The following MAF variants were observed in gnomAD, a reference collection of about 807,000 sequenced individuals.
MAF encodes MAF bZIP transcription factor.
In MAF, 10 loss-of-function variants were observed where a neutral mutation model predicts 22.0. The observed-to-expected ratio is 0.45, with a 90% CI of 0.28 to 0.77. The LOEUF is 0.77. Among genes scored for constraint, MAF ranks in the 30% least tolerant of loss-of-function variants. The probability of loss-of-function intolerance (pLI) is 0.12; values close to 1 mark genes in which losing one functional copy is unlikely to be tolerated. For synonymous variants in MAF, 337 were observed against 255.8 expected, an observed-to-expected ratio of 1.32 and a Z score of -3.03; for missense variants, 544 against 548.4, an observed-to-expected ratio of 0.99 and a Z score of 0.08.
chr16:79,303,494 C>T, the MAF span, among the ~76,000 whole-genome samples: 8 of 152,292 alleles, frequency 5.3e-5, no homozygotes, highest in South Asian at 1.5e-3. Flanking sequence ...GCTAGATTCT[C>T]TCTTGCCTTT....
chr16:79,219,535 C>A, the MAF span, among the ~76,000 whole-genome samples: 101 of 116,018 alleles, frequency 8.7e-4, no homozygotes, highest in Non-Finnish European at 1.4e-3. Context: ...TGGGCGACAG[C>A]GAGACTCTGC....
At chr16:79,395,815 G>A in the MAF span, among the ~76,000 whole-genome samples, 1 of 152,308 alleles carries the variant, frequency 6.6e-6, no homozygotes, top group East Asian at 1.9e-4. Context: ...CAGTAAGAGG[G>A]AACTCAAACA....
the MAF span, among the ~76,000 whole-genome samples, chr16:79,379,402 T>G: frequency 6.6e-6 from 1 of 152,120 alleles, no homozygotes; most frequent in Non-Finnish European, 1.5e-5. Flanking sequence ...TATGCATGAG[T>G]TGCCAATGTG....
At chr16:79,458,030 G>A in the MAF span, among the ~76,000 whole-genome samples, 1 of 149,450 alleles carries the variant, frequency 6.7e-6, no homozygotes, top group Non-Finnish European at 1.5e-5. Flanking sequence ...TTTTCAATAT[G>A]GATGATCGAA....
the MAF span, among the ~76,000 whole-genome samples, chr16:79,373,403 G>C: frequency 4.0e-5 from 2 of 49,566 alleles, no homozygotes; most frequent in African/African-American, 1.2e-4. Flanking sequence ...TTTTTTTTGA[G>C]ACACAGTCTC....
chr16:79,410,652 G>C, the MAF span, among the ~76,000 whole-genome samples: 6 of 152,226 alleles, frequency 3.9e-5, no homozygotes, highest in Non-Finnish European at 7.3e-5. Flanking sequence ...TGTGACATGG[G>C]ATGAGGGCAA....
the MAF span, among the ~76,000 whole-genome samples, chr16:79,555,191 A>G: frequency 6.6e-5 from 10 of 152,244 alleles, no homozygotes; most frequent in African/African-American, 2.2e-4. Context: ...ATTTGCTTCC[A>G]TCCTCCTCTC....
the MAF span, among the ~76,000 whole-genome samples, chr16:79,568,563 A>C: frequency 6.6e-6 from 1 of 152,154 alleles, no homozygotes; most frequent in Non-Finnish European, 1.5e-5. Context: ...AAAATTAAAC[A>C]TCAGGTTTTT....
the MAF span, among the ~76,000 whole-genome samples, chr16:79,498,878 G>C: frequency 6.6e-6 from 1 of 152,106 alleles, no homozygotes; most frequent in African/African-American, 2.4e-5. Flanking sequence ...CTCAGGTGTG[G>C]AGTATACAGA....
the MAF span, among the ~76,000 whole-genome samples, chr16:79,521,345 C>T: frequency 6.6e-6 from 1 of 152,066 alleles, no homozygotes; most frequent in South Asian, 2.1e-4. Context: ...ATGGATGTTC[C>T]TTCAGAAAAA....
chr16:79,536,709 T>C, the MAF span, among the ~76,000 whole-genome samples: 9,807 of 152,300 alleles, frequency 0.064, 421 homozygotes, highest in Admixed American at 0.11. Context: ...ACTAAACACA[T>C]AGAGAACTTT....
chr16:79,333,840 G>A, the MAF span, among the ~76,000 whole-genome samples: 2 of 152,140 alleles, frequency 1.3e-5, no homozygotes, highest in East Asian at 3.9e-4. Flanking sequence ...ATCACACACG[G>A]AAACCTATCT....
intron 1 of MAF, chr16:79,597,147 T>A (rs1437049197): frequency 1.2e-4 from 126 of 1,056,864 alleles, no homozygotes; most frequent in Non-Finnish European, 1.4e-4. Flanking sequence ...TTGCAAACTC[T>A]ACCCCCCTTA....
the MAF span, among the ~76,000 whole-genome samples, chr16:79,251,235 G>C: frequency 6.6e-6 from 1 of 151,962 alleles, no homozygotes; most frequent in Non-Finnish European, 1.5e-5. Flanking sequence ...TTGCGCATTT[G>C]ATGACATCAA....
chr16:79,402,563 C>A, the MAF span, among the ~76,000 whole-genome samples: 1 of 152,194 alleles, frequency 6.6e-6, no homozygotes, highest in Non-Finnish European at 1.5e-5. Context: ...CCTGGCCTAC[C>A]TCCAGGAGCA....
chr16:79,544,111 G>A, the MAF span, among the ~76,000 whole-genome samples: 1 of 151,940 alleles, frequency 6.6e-6, no homozygotes, highest in Admixed American at 6.5e-5. Flanking sequence ...CCCAACAAGT[G>A]GTATGATATG....
intron 1 of MAF, among the ~76,000 whole-genome samples, chr16:79,586,545 G>T (rs565074077): frequency 6.2e-4 from 95 of 152,270 alleles, no homozygotes; most frequent in African/African-American, 2.3e-3. Flanking sequence ...TTAGTAGCAG[G>T]GAGTGCTTAG....
At chr16:79,570,363 C>CGA in the MAF span, among the ~76,000 whole-genome samples, 1 of 152,020 alleles carries the variant, frequency 6.6e-6, no homozygotes. Context: ...ATTCCAAAGC[C>CGA]ATTTCCTTAT....
At chr16:79,293,211 G>A in the MAF span, among the ~76,000 whole-genome samples, 1 of 152,038 alleles carries the variant, frequency 6.6e-6, no homozygotes, top group Non-Finnish European at 1.5e-5. Flanking sequence ...ATTCCTTTCT[G>A]GTAACAACAC....
Sources: gnomAD v4.1 joint callset for allele counts (sites outside exome capture counted in the v4.1 genomes callset) on GRCh38, gnomAD v4.1.1 for gene constraint, MANE v1.5 for transcripts, NCBI Gene and HGNC (gene_info 2026-07-23, HGNC 2026-07-21) for gene names.